Variants in PTPRD observed in about 807,000 individuals in gnomAD.
PTPRD encodes the protein receptor-type tyrosine-protein phosphatase delta.
A neutral mutation model predicts 214.5 loss-of-function variants in PTPRD; 34 were observed. The ratio of observed to expected loss-of-function variants is 0.16; its 90% confidence interval spans 0.12 to 0.21. The LOEUF (loss-of-function observed/expected upper bound fraction) is 0.21, where lower values mean the gene tolerates loss of function less well. PTPRD is among the 10% of genes least tolerant of loss of function. PTPRD has a pLI of 1.00. For missense variants in PTPRD, 2,545 were observed against 2,398.7 expected, an observed-to-expected ratio of 1.06 and a Z score of -1.27; for synonymous variants, 1,128 against 845.7, an observed-to-expected ratio of 1.33 and a Z score of -5.79.
At chr9:8,320,664 T>A (rs945941750) in intron 44 of PTPRD, among the ~76,000 whole-genome samples, 3 of 151,914 alleles carry the variant, frequency 2.0e-5, no homozygotes, top group Admixed American at 2.0e-4. Context: ...TAAAAAAAAA[T>A]GGTTAAGAGC....
chr9:8,328,047 T>C (rs902983685), intron 44 of PTPRD, among the ~76,000 whole-genome samples: 1 of 152,206 alleles, frequency 6.6e-6, no homozygotes, highest in Non-Finnish European at 1.5e-5. Flanking sequence ...ATGTGTGAAT[T>C]TGATCCTGTC....
intron 34 of PTPRD, among the ~76,000 whole-genome samples, chr9:8,447,831 A>AG (rs2095795252): frequency 1.3e-5 from 2 of 152,144 alleles, no homozygotes; most frequent in African/African-American, 4.8e-5. Flanking sequence ...CAGAGGAAGG[A>AG]GGGGCAGTGG....
chr9:9,101,981 A>C (rs924625373), intron 10 of PTPRD, among the ~76,000 whole-genome samples: 4 of 152,156 alleles, frequency 2.6e-5, no homozygotes, highest in African/African-American at 9.7e-5. Flanking sequence ...AACACACACA[A>C]CTTTTTTGGG....
At chr9:9,324,485 C>G (rs1384143720) in intron 9 of PTPRD, among the ~76,000 whole-genome samples, 2 of 152,134 alleles carry the variant, frequency 1.3e-5, no homozygotes, top group Non-Finnish European at 2.9e-5. Context: ...GCATAAATGT[C>G]TTCTTTTGAG....
At chr9:9,779,612 C>A (rs1241953727) in intron 5 of PTPRD, among the ~76,000 whole-genome samples, 1 of 152,128 alleles carries the variant, frequency 6.6e-6, no homozygotes, top group Non-Finnish European at 1.5e-5. Context: ...AAATGCTCAA[C>A]ATCATTAATC....
intron 12 of PTPRD, among the ~76,000 whole-genome samples, chr9:8,721,412 T>G (rs1037789092): frequency 2.1e-5 from 3 of 144,566 alleles, no homozygotes; most frequent in Non-Finnish European, 3.0e-5. Context: ...TCTGGACGAC[T>G]GAGTGAGACT....
rs867767685 is a variant in PTPRD, at chr9:8,726,628, T to A, written c.64+7152A>T. On this transcript the variant is annotated intron_variant, in intron 12 of 45. Coordinates refer to ENST00000381196, the MANE Select transcript of PTPRD (RefSeq NM_002839.4). Reference sequence around the variant, plus strand: ...ATATATATATATATATATATATATATATATATATATATATATATATATGAC... The same window carrying A: ...ATATATATATATATATATATATATAAATATATATATATATATATATATGAC... 3.0e-3 allele frequency among the ~76,000 whole-genome samples: 129 copies of A among 43,386 alleles called. 18 individuals are homozygous for A. The highest frequency in any genetic ancestry group is 0.022 in the Middle Eastern group (1 of 46). The allele number at this position is 43,386 out of a possible 152,430, so 28.5% of individuals were successfully genotyped here.
intron 2 of PTPRD, among the ~76,000 whole-genome samples, chr9:10,531,673 T>C (rs994095539): frequency 6.6e-6 from 1 of 152,178 alleles, no homozygotes; most frequent in African/African-American, 2.4e-5. Context: ...TTAAGGTGTA[T>C]GCATGTATGC....
At chr9:10,086,478 G>C (rs1052723264) in intron 3 of PTPRD, among the ~76,000 whole-genome samples, 2 of 151,764 alleles carry the variant, frequency 1.3e-5, no homozygotes, top group Non-Finnish European at 1.5e-5. Flanking sequence ...GAAGTGGAAA[G>C]CGAATCTATT....
intron 5 of PTPRD, among the ~76,000 whole-genome samples, chr9:9,882,420 T>C (rs1342141623): frequency 6.6e-6 from 1 of 152,132 alleles, no homozygotes; most frequent in Non-Finnish European, 1.5e-5. Flanking sequence ...GTGAAGTTGG[T>C]TTCTTCTGCT....
intron 5 of PTPRD, among the ~76,000 whole-genome samples, chr9:9,935,696 T>G (rs2089023051): frequency 6.9e-6 from 1 of 145,834 alleles, no homozygotes; most frequent in Admixed American, 6.6e-5. Context: ...AAGCTACCAA[T>G]GACTTTCTTC....
intron 11 of PTPRD, among the ~76,000 whole-genome samples, chr9:8,770,784 A>T (rs1423276103): frequency 6.6e-6 from 1 of 151,598 alleles, no homozygotes; most frequent in Non-Finnish European, 1.5e-5. Flanking sequence ...TCAAATATTC[A>T]AACTCAATTG....
chr9:9,821,251 G>T (rs1038058796), intron 5 of PTPRD, among the ~76,000 whole-genome samples: 16 of 152,204 alleles, frequency 1.1e-4, no homozygotes, highest in Non-Finnish European at 2.2e-4. Flanking sequence ...ACCAATTTTT[G>T]TAACATTGAT....
chr9:9,474,429 C>G (rs1225254108), intron 8 of PTPRD, among the ~76,000 whole-genome samples: 5 of 151,970 alleles, frequency 3.3e-5, no homozygotes, highest in Non-Finnish European at 7.4e-5. Flanking sequence ...ATTCAAGGAC[C>G]TTTGTGGTCC....
chr9:9,394,248 C>T (rs986852777), intron 9 of PTPRD, among the ~76,000 whole-genome samples: 9 of 152,216 alleles, frequency 5.9e-5, no homozygotes, highest in Admixed American at 1.3e-4. Flanking sequence ...GTCATTAATG[C>T]TGAGACCTTT....
chr9:8,648,186 A>C (rs2154341515), intron 12 of PTPRD, among the ~76,000 whole-genome samples: 1 of 152,350 alleles, frequency 6.6e-6, no homozygotes. Context: ...TCAAGGTATA[A>C]TAATACCTGG....
chr9:9,043,006 G>A (rs1216095513), intron 10 of PTPRD, among the ~76,000 whole-genome samples: 1 of 152,150 alleles, frequency 6.6e-6, no homozygotes, highest in Non-Finnish European at 1.5e-5. Flanking sequence ...AATCTTATCT[G>A]TTACCAAACT....
At chr9:10,157,902 A>G (rs1259618591) in intron 3 of PTPRD, among the ~76,000 whole-genome samples, 1 of 151,964 alleles carries the variant, frequency 6.6e-6, no homozygotes, top group Admixed American at 6.6e-5. Flanking sequence ...TCAAGCTCTG[A>G]GATTCTTCCT....
chr9:8,850,891 G>A (rs1428193603), intron 11 of PTPRD, among the ~76,000 whole-genome samples: 1 of 152,194 alleles, frequency 6.6e-6, no homozygotes, highest in Non-Finnish European at 1.5e-5. Context: ...GGGCCAGGAG[G>A]AAGGAAGACG....
Sources: allele counts gnomAD v4.1 joint callset (sites outside exome capture counted in the v4.1 genomes callset), GRCh38; gene constraint gnomAD v4.1.1; transcripts MANE v1.5; gene names NCBI Gene and HGNC (gene_info 2026-07-23, HGNC 2026-07-21).